ANK2: variants seen among roughly 807,000 people sequenced by gnomAD.
The protein encoded by ANK2 is ankyrin 2.
ANK2 carries 83 observed loss-of-function variants against 360.5 expected under a neutral mutation model. The observed-to-expected ratio is 0.23, with a 90% confidence interval of 0.19 to 0.28. The LOEUF (loss-of-function observed/expected upper bound fraction) is 0.28. ANK2 is among the 10% of genes least tolerant of loss of function. The pLI is 1.00. For missense variants in ANK2, 4,201 were observed against 4,795.7 expected, an observed-to-expected ratio of 0.88 and a Z score of 3.66; for synonymous variants, 1,740 against 1,759.5, an observed-to-expected ratio of 0.99 and a Z score of 0.28.
At chr4:113,019,702 G>C (rs2057557991) in intron 2 of ANK2, among the ~76,000 whole-genome samples, 1 of 152,070 alleles carries the variant, frequency 6.6e-6, no homozygotes, top group Non-Finnish European at 1.5e-5. Flanking sequence ...ATCTGGTTTT[G>C]AAACTTTATT....
intron 2 of ANK2, among the ~76,000 whole-genome samples, chr4:112,970,393 C>T (rs983293869): frequency 1.3e-5 from 2 of 151,998 alleles, no homozygotes; most frequent in African/African-American, 4.8e-5. Flanking sequence ...CTCATTCCAT[C>T]ACCCAGGCTG....
At chr4:113,096,178 C>A (rs56278527) in intron 1 of ANK2, among the ~76,000 whole-genome samples, 29,290 of 152,152 alleles carry the variant, frequency 0.19, 3,725 homozygotes, top group Non-Finnish European at 0.29. Context: ...CACCTTGTCA[C>A]TGCATGGGTC....
At chr4:113,052,695 A>C (rs1235209927) in intron 1 of ANK2, among the ~76,000 whole-genome samples, 4 of 152,188 alleles carry the variant, frequency 2.6e-5, no homozygotes, top group South Asian at 2.1e-4. Flanking sequence ...TCCACTCAGA[A>C]ACCACAAGGA....
upstream of ANK2, among the ~76,000 whole-genome samples, chr4:113,048,511 G>A (rs1157288008): frequency 6.8e-6 from 1 of 147,866 alleles, no homozygotes. Context: ...CTCACCTTGC[G>A]ATCCACCTGC....
intron 2 of ANK2, among the ~76,000 whole-genome samples, chr4:112,916,730 C>T (rs899683503): frequency 4.1e-4 from 63 of 152,120 alleles, no homozygotes; most frequent in Non-Finnish European, 1.6e-4. Context: ...AACTCTGATA[C>T]ACATTTGTCA....
At chr4:112,710,953 A>ATTTT in the ANK2 span, among the ~76,000 whole-genome samples, 1 of 146,342 alleles carries the variant, frequency 6.8e-6, no homozygotes, top group African/African-American at 2.5e-5. Flanking sequence ...ATATTTATTT[A>ATTTT]TTTATTTTTT....
intron 1 of ANK2, among the ~76,000 whole-genome samples, chr4:112,868,250 T>C (rs902861375): frequency 1.3e-5 from 2 of 152,254 alleles, no homozygotes; most frequent in African/African-American, 4.8e-5. Context: ...TATAACAGAC[T>C]ACCACACACT....
the ANK2 span, among the ~76,000 whole-genome samples, chr4:112,760,875 C>T: frequency 6.7e-6 from 1 of 148,748 alleles, no homozygotes; most frequent in Non-Finnish European, 1.5e-5. Flanking sequence ...GGTGCGATCT[C>T]GGCTCACTGC....
chr4:113,004,705 G>C (rs941618110), intron 2 of ANK2, among the ~76,000 whole-genome samples: 1 of 152,156 alleles, frequency 6.6e-6, no homozygotes, highest in African/African-American at 2.4e-5. Context: ...TTATTATCAA[G>C]TTTTATATAC....
intron 1 of ANK2, among the ~76,000 whole-genome samples, chr4:112,879,641 G>C (rs1321216839): frequency 1.3e-5 from 2 of 152,092 alleles, no homozygotes; most frequent in African/African-American, 2.4e-5. Flanking sequence ...TAATGCAGAG[G>C]GTTTTTCGTT....
At chr4:112,765,999 C>A in the ANK2 span, among the ~76,000 whole-genome samples, 1 of 152,148 alleles carries the variant, frequency 6.6e-6, no homozygotes, top group Non-Finnish European at 1.5e-5. Context: ...CTCAGCATGA[C>A]TGACACAATG....
chr4:113,192,700 G>A (rs2098687959), intron 2 of ANK2, among the ~76,000 whole-genome samples: 1 of 152,068 alleles, frequency 6.6e-6, no homozygotes, highest in Non-Finnish European at 1.5e-5. Context: ...AAAATATGCT[G>A]TAATATAATA....
At chr4:113,158,860 CA>C (rs552981200) in intron 1 of ANK2, among the ~76,000 whole-genome samples, 7 of 151,802 alleles carry the variant, frequency 4.6e-5, no homozygotes, top group Non-Finnish European at 1.0e-4. Flanking sequence ...ACTGCTTTGC[CA>C]AAAAAAGTTC....
intron 14 of ANK2, among the ~76,000 whole-genome samples, chr4:113,269,726 C>T (rs1360438680): frequency 6.6e-6 from 1 of 152,212 alleles, no homozygotes; most frequent in Non-Finnish European, 1.5e-5. Context: ...ATTCAGCCAT[C>T]TTGCCAGCCT....
rs193295477 is a variant in ANK2, at chr4:113,286,516, G to A, written c.2080-1089G>A. On this transcript the variant is annotated intron_variant, in intron 18 of 45. Transcript: ENST00000357077. Reference sequence around the variant, plus strand: ...ATTTCCAGAAGTAGCACCATGGCTGGAGATCATGAATTTTGAAGAACATGG... The same window carrying A: ...ATTTCCAGAAGTAGCACCATGGCTGAAGATCATGAATTTTGAAGAACATGG... 9.8e-5 allele frequency among the ~76,000 whole-genome samples: 15 copies of A among 152,306 alleles called. No individual in the cohort carries two copies. In the South Asian group the frequency reaches 2.9e-3, roughly 29 times the overall value.
intron 2 of ANK2, among the ~76,000 whole-genome samples, chr4:112,977,797 G>A (rs757009518): frequency 6.6e-6 from 1 of 151,860 alleles, no homozygotes; most frequent in Non-Finnish European, 1.5e-5. Flanking sequence ...TGTTCTCATT[G>A]TTCAACTCCC....
intron 1 of ANK2, among the ~76,000 whole-genome samples, chr4:113,144,725 A>G (rs1468749094): frequency 6.8e-6 from 1 of 147,932 alleles, no homozygotes; most frequent in African/African-American, 2.4e-5. Context: ...TCAAATAATT[A>G]TATATAATAA....
At chr4:113,001,758 A>G (rs1485212846) in intron 2 of ANK2, among the ~76,000 whole-genome samples, 2 of 152,076 alleles carry the variant, frequency 1.3e-5, no homozygotes, top group African/African-American at 4.8e-5. Context: ...TTCTGTCCTC[A>G]GGCTTCTCTC....
intron 5 of ANK2, among the ~76,000 whole-genome samples, chr4:113,233,283 C>T (rs948505306): frequency 6.7e-6 from 1 of 149,478 alleles, no homozygotes; most frequent in Admixed American, 6.7e-5. Context: ...TACAGGCGCC[C>T]GCCACTACGC....
Sources: gnomAD v4.1 joint callset for allele counts (sites outside exome capture counted in the v4.1 genomes callset) on GRCh38, gnomAD v4.1.1 for gene constraint, MANE v1.5 for transcripts, NCBI Gene and HGNC (gene_info 2026-07-23, HGNC 2026-07-21) for gene names.